FGGY: variants seen among roughly 807,000 people sequenced by gnomAD.
FGGY encodes the protein FGGY carbohydrate kinase domain-containing protein.
A neutral mutation model predicts 71.3 loss-of-function variants in FGGY; 72 were observed. The observed-to-expected ratio is 1.01, with a 90% CI of 0.84 to 1.23. The LOEUF (loss-of-function observed/expected upper bound fraction) is 1.23, where lower values mean the gene tolerates loss of function less well. Ranked by LOEUF, FGGY falls within the 50% of genes most tolerant of loss-of-function variation. The pLI, the probability that FGGY is intolerant of heterozygous loss-of-function variation, is 0.00. For missense variants in FGGY, 668 were observed against 682.3 expected (o/e 0.98, Z 0.23); for synonymous variants, 251 against 250.3 (o/e 1.00, Z -0.02).
intron 5 of FGGY, among the ~76,000 whole-genome samples, chr1:59,397,051 T>TTA (rs1553179015): frequency 2.0e-5 from 3 of 148,670 alleles, no homozygotes; most frequent in Non-Finnish European, 4.4e-5. Flanking sequence ...TTTTTTTTTT[T>TTA]AAAAGAAAGG....
intron 4 of FGGY, among the ~76,000 whole-genome samples, chr1:59,372,306 T>C (rs1375369065): frequency 6.6e-6 from 1 of 152,174 alleles, no homozygotes; most frequent in Non-Finnish European, 1.5e-5. Flanking sequence ...CTAGAAAATC[T>C]AGAAGAAATG....
intron 1 of FGGY, among the ~76,000 whole-genome samples, chr1:59,300,667 G>A (rs921739237): frequency 7.3e-5 from 11 of 150,668 alleles, no homozygotes; most frequent in Admixed American, 5.3e-4. Flanking sequence ...TTTTGTATAG[G>A]ACATGAAATA....
At chr1:59,594,254 T>C (rs926478974) in intron 8 of FGGY, among the ~76,000 whole-genome samples, 3 of 152,216 alleles carry the variant, frequency 2.0e-5, no homozygotes, top group African/African-American at 7.2e-5. Flanking sequence ...GTCTGGACTC[T>C]GAACTCAGAA....
At chr1:59,513,942 A>T (rs373487033) in intron 7 of FGGY, among the ~76,000 whole-genome samples, 10 of 152,258 alleles carry the variant, frequency 6.6e-5, no homozygotes, top group African/African-American at 2.4e-4. Flanking sequence ...CTCAGGATCT[A>T]AAACAGTGCC....
intron 2 of FGGY, among the ~76,000 whole-genome samples, chr1:59,334,261 G>C (rs554958478): frequency 6.6e-6 from 1 of 152,266 alleles, no homozygotes; most frequent in Non-Finnish European, 1.5e-5. Flanking sequence ...TCCTGCCTCA[G>C]CCTCCCTAGT....
At chr1:59,542,581 C>T (rs546623482) in intron 7 of FGGY, among the ~76,000 whole-genome samples, 1 of 150,514 alleles carries the variant, frequency 6.6e-6, no homozygotes, top group African/African-American at 2.4e-5. Context: ...CTCAGCGTCC[C>T]GAGTACCTGG....
At chr1:59,407,968 A>G (rs992722377) in intron 5 of FGGY, among the ~76,000 whole-genome samples, 1 of 152,204 alleles carries the variant, frequency 6.6e-6, no homozygotes, top group African/African-American at 2.4e-5. Flanking sequence ...AAATCACAGG[A>G]AAGGTACTCT....
intron 7 of FGGY, among the ~76,000 whole-genome samples, chr1:59,518,562 A>G (rs1025297048): frequency 7.2e-5 from 11 of 152,166 alleles, no homozygotes; most frequent in African/African-American, 2.7e-4. Context: ...GGATTGTATC[A>G]TGGTGGTGGA....
chr1:59,426,636 G>A (rs1021103739), intron 5 of FGGY, among the ~76,000 whole-genome samples: 11 of 152,122 alleles, frequency 7.2e-5, no homozygotes, highest in African/African-American at 1.9e-4. Context: ...CCTCCCCTAC[G>A]TTAATATATT....
intron 4 of FGGY, among the ~76,000 whole-genome samples, chr1:59,347,767 AACTGGATCCCTTCCTTACACCTTAT>A (rs1386570328): frequency 6.6e-6 from 1 of 152,180 alleles, no homozygotes; most frequent in East Asian, 1.9e-4. Flanking sequence ...AGAAAACTGA[AACTGGATCCCTTCCTTACACCTTAT>A]ACAAAAATTA....
intron 7 of FGGY, among the ~76,000 whole-genome samples, chr1:59,523,157 G>A (rs955242620): frequency 6.6e-6 from 1 of 152,238 alleles, no homozygotes; most frequent in Non-Finnish European, 1.5e-5. Flanking sequence ...CCTACTCCAA[G>A]TTCAAAAGGT....
chr1:59,756,890 G>A lies in FGGY; in HGVS notation c.1513-1041G>A, dbSNP rs144333593. On this transcript the variant is annotated intron_variant, in intron 14 of 15. Transcript: ENST00000303721. ...CCCAGGGGCTCTCATATTCTGTATG[G>A]TATTCAGATTTTTTTTTTTTTTTTA... Among the ~76,000 whole-genome samples the A allele has an allele frequency of 5.0e-3, 672 of 134,008 alleles. 4 individuals carry two copies. Among genetic ancestry groups the A allele is most frequent in the African/African-American group, 0.019 (643 of 34,726 alleles). The allele number at this position is 134,008 out of a possible 152,430, so 87.9% of individuals were successfully genotyped here. A position where few individuals can be genotyped will look rare whatever the true frequency, so the allele number is the denominator to read the frequency against.
intron 5 of FGGY, among the ~76,000 whole-genome samples, chr1:59,440,953 T>C (rs931980852): frequency 6.6e-6 from 1 of 152,058 alleles, no homozygotes; most frequent in Admixed American, 6.6e-5. Context: ...ACTTAAGTAC[T>C]CTATCCTGGG....
chr1:59,370,885 C>G (rs1308584890), intron 4 of FGGY, among the ~76,000 whole-genome samples: 1 of 151,922 alleles, frequency 6.6e-6, no homozygotes, highest in Non-Finnish European at 1.5e-5. Context: ...CAGGTCGGAC[C>G]TAAAATAGCT....
intron 14 of FGGY, among the ~76,000 whole-genome samples, chr1:59,703,754 AAAC>A (rs1258921834): frequency 1.3e-5 from 2 of 152,194 alleles, no homozygotes; most frequent in African/African-American, 4.8e-5. Flanking sequence ...TTCATACTAA[AAAC>A]AAACTCTGTC....
In FGGY at chr1:59,498,897, A is replaced by G. The variant is rs2094132351; in HGVS notation, c.671-13414A>G. On this transcript the variant is annotated intron_variant, in intron 6 of 15. Coordinates refer to ENST00000303721, the MANE Select transcript of FGGY (RefSeq NM_018291.5). ...CACTCCTCCCCCGGAGGGACTGCAA[A>G]TGCCAGTGTCCTCCTTCATTCAGGA... Among the ~76,000 whole-genome samples the G allele has an allele frequency of 2.6e-5, 4 of 152,186 alleles. No homozygotes were observed. In the South Asian group the frequency reaches 6.2e-4, roughly 24 times the overall value.
chr1:59,547,474 T>C (rs1453100374), intron 7 of FGGY, among the ~76,000 whole-genome samples: 1 of 152,176 alleles, frequency 6.6e-6, no homozygotes, highest in African/African-American at 2.4e-5. Context: ...GTCAGGTAGA[T>C]CTGGGTGTGA....
At chr1:59,428,408 C>T (rs754728745) in intron 5 of FGGY, among the ~76,000 whole-genome samples, 3 of 152,174 alleles carry the variant, frequency 2.0e-5, no homozygotes, top group East Asian at 1.9e-4. Context: ...CCTCCAGAAC[C>T]GAAGCGCTGA....
intron 7 of FGGY, among the ~76,000 whole-genome samples, chr1:59,530,942 A>T (rs2095125291): frequency 6.6e-6 from 1 of 152,240 alleles, no homozygotes; most frequent in Admixed American, 6.5e-5. Context: ...CTGTTGTAAG[A>T]GACCTTGAAG....
Sources: allele counts gnomAD v4.1 joint callset (sites outside exome capture counted in the v4.1 genomes callset), GRCh38; gene constraint gnomAD v4.1.1; transcripts MANE v1.5; gene names NCBI Gene and HGNC (gene_info 2026-07-23, HGNC 2026-07-21).